The following CNOT2 variants were observed in gnomAD, a reference collection of about 807,000 sequenced individuals.
CNOT2 encodes CCR4-NOT transcription complex subunit 2, also known as CC chemokine receptor 4-negative regulator of transcription 2.
A neutral mutation model predicts 72.1 loss-of-function variants in CNOT2; 7 were observed. The observed-to-expected ratio is 0.10, with a 90% CI of 0.06 to 0.18. The LOEUF (loss-of-function observed/expected upper bound fraction) is 0.18, where lower values mean the gene tolerates loss of function less well. Ranked by LOEUF, CNOT2 falls within the 10% of genes least tolerant of loss-of-function variation. The pLI, the probability that CNOT2 is intolerant of heterozygous loss-of-function variation, is 1.00. For missense variants in CNOT2, 345 were observed against 660.3 expected (o/e 0.52, Z 5.23); for synonymous variants, 196 against 225.6 (o/e 0.87, Z 1.17).
intron 2 of CNOT2, among the ~76,000 whole-genome samples, chr12:70,298,722 A>G (rs1363625000): frequency 2.0e-5 from 3 of 152,304 alleles, no homozygotes. Context: ...CAGCATATGC[A>G]AAGACCGGGA....
intron 2 of CNOT2, chr12:70,294,026 C>G: frequency 1.1e-6 from 1 of 915,834 alleles, no homozygotes; most frequent in South Asian, 1.4e-5. Flanking sequence ...AATGTTGAAA[C>G]TGGACATTCA....
intron 15 of CNOT2, 81 bp from the exon 16 acceptor site, chr12:70,353,739 GTATTTTATT>G: frequency 6.5e-7 from 1 of 1,535,098 alleles, no homozygotes; most frequent in Non-Finnish European, 8.8e-7. Flanking sequence ...TATATATTGG[GTATTTTATT>G]TATTTTTATA....
At chr12:70,313,434 G>A (rs1257349340) in intron 3 of CNOT2, among the ~76,000 whole-genome samples, 1 of 151,862 alleles carries the variant, frequency 6.6e-6, no homozygotes, top group Non-Finnish European at 1.5e-5. Flanking sequence ...ATCATACTTA[G>A]GAAGACATTT....
chr12:70,318,549 A>T (rs546799377), intron 3 of CNOT2, among the ~76,000 whole-genome samples: 1 of 151,712 alleles, frequency 6.6e-6, no homozygotes, highest in African/African-American at 2.4e-5. Flanking sequence ...TATGTACCTA[A>T]ATGTTACCAC....
chr12:70,269,275 C>CT (rs369996194), intron 1 of CNOT2, among the ~76,000 whole-genome samples: 43 of 141,064 alleles, frequency 3.0e-4, no homozygotes, highest in African/African-American at 5.8e-4. Context: ...CGCTCTGAAG[C>CT]TTTTTTTTTT....
intron 15 of CNOT2, among the ~76,000 whole-genome samples, chr12:70,349,427 A>C (rs1882597942): frequency 6.6e-6 from 1 of 152,128 alleles, no homozygotes; most frequent in Non-Finnish European, 1.5e-5. Context: ...TTAACATTTT[A>C]AATAATAGCT....
chr12:70,308,195 A>T (rs1449607352), intron 2 of CNOT2, among the ~76,000 whole-genome samples: 1 of 152,094 alleles, frequency 6.6e-6, no homozygotes, highest in Non-Finnish European at 1.5e-5. Flanking sequence ...ATGTTCCCTG[A>T]TTATTTTTAA....
At chr12:70,265,273 T>TTCTTGTCTTCTCTTCTCTTCTCTTC (rs1958971521) in intron 1 of CNOT2, among the ~76,000 whole-genome samples, 2 of 125,382 alleles carry the variant, frequency 1.6e-5, no homozygotes, top group African/African-American at 5.6e-5. Flanking sequence ...TTCGTTTTGT[T>TTCTTGTCTTCTCTTCTCTTCTCTTC]TCTTCTCTTC....
intron 4 of CNOT2, chr12:70,323,296 T>C (rs1407469962): frequency 6.6e-6 from 1 of 151,734 alleles, no homozygotes; most frequent in East Asian, 1.9e-4. Context: ...CCTCATTGCC[T>C]TTGTATCCTC....
chr12:70,347,979 T>A (rs1376902632), intron 15 of CNOT2: 1 of 152,244 alleles, frequency 6.6e-6, no homozygotes, highest in Non-Finnish European at 1.5e-5. Flanking sequence ...CTCCTATTGC[T>A]GTTATTTATG....
At chr12:70,294,328 T>C in intron 2 of CNOT2, 10 of 1,280,422 alleles carry the variant, frequency 7.8e-6, no homozygotes, top group Non-Finnish European at 1.0e-5. Flanking sequence ...GGGGGAAAAA[T>C]GGTACTGTCA....
chr12:70,348,421 A>G (rs1882470629), intron 15 of CNOT2, among the ~76,000 whole-genome samples: 1 of 152,226 alleles, frequency 6.6e-6, no homozygotes, highest in Non-Finnish European at 1.5e-5. Flanking sequence ...TAGTAATGAC[A>G]TGCTGGTCTT....
intron 6 of CNOT2, chr12:70,331,726 T>G (rs909822074): frequency 2.0e-5 from 3 of 151,880 alleles, no homozygotes; most frequent in Non-Finnish European, 4.4e-5. Context: ...CTAGAGTGTT[T>G]GTTGTTTTGT....
intron 1 of CNOT2, among the ~76,000 whole-genome samples, chr12:70,247,972 A>G (rs577583158): frequency 2.5e-4 from 38 of 152,316 alleles, no homozygotes; most frequent in African/African-American, 8.7e-4. Flanking sequence ...CTAGCTTCTT[A>G]GGGAAGTGTG....
At chr12:70,287,606 A>G (rs1205403160) in intron 2 of CNOT2, among the ~76,000 whole-genome samples, 1 of 150,016 alleles carries the variant, frequency 6.7e-6, no homozygotes, top group African/African-American at 2.4e-5. Flanking sequence ...GTTTCTCTCC[A>G]TTAGATCAAG....
intron 8 of CNOT2, chr12:70,335,764 T>C: frequency 2.6e-6 from 1 of 383,910 alleles, no homozygotes; most frequent in Non-Finnish European, 4.7e-6. Flanking sequence ...CAAAGTTAAA[T>C]GGGAAAACTT....
chr12:70,314,367 A>G (rs1307798874), intron 3 of CNOT2, among the ~76,000 whole-genome samples: 2 of 151,978 alleles, frequency 1.3e-5, no homozygotes, highest in African/African-American at 4.8e-5. Flanking sequence ...TAAAATAGGA[A>G]CAATAGTACC....
intron 3 of CNOT2, among the ~76,000 whole-genome samples, chr12:70,311,837 C>G (rs1473473094): frequency 6.6e-6 from 1 of 151,842 alleles, no homozygotes; most frequent in Non-Finnish European, 1.5e-5. Flanking sequence ...AGCTATTAAC[C>G]TAATGAGATT....
In CNOT2 at chr12:70,267,187, C is replaced by G. The variant is rs551275429; in HGVS notation, c.-95-10945C>G. On this transcript the variant is annotated intron_variant, in intron 1 of 15. Transcript: ENST00000229195. ...TATAATAAATTGCCACAAACTGTAG[C>G]TTAAAATACCAGAAATTTATTCTTT... Among the ~76,000 whole-genome samples the G allele has an allele frequency of 1.3e-3, 194 of 152,236 alleles. 2 individuals carry two copies. Among genetic ancestry groups the G allele is most frequent in the Non-Finnish European group, 2.4e-3 (164 of 68,014 alleles).
Sources: allele counts gnomAD v4.1 joint callset (sites outside exome capture counted in the v4.1 genomes callset), GRCh38; gene constraint gnomAD v4.1.1; transcripts MANE v1.5; gene names NCBI Gene and HGNC (gene_info 2026-07-23, HGNC 2026-07-21).